USH2A: variants seen among roughly 807,000 people sequenced by gnomAD.
USH2A encodes Usher syndrome 2A (autosomal recessive, mild).
A neutral mutation model predicts 538.9 loss-of-function variants in USH2A; 443 were observed. The observed-to-expected ratio is 0.82, with a 90% CI of 0.76 to 0.89. USH2A has a LOEUF of 0.89. Among genes scored for constraint, USH2A ranks in the 40% least tolerant of loss-of-function variants. USH2A has a pLI of 0.00. For missense variants in USH2A, 6,633 were observed against 6,324.8 expected (o/e 1.05, Z -1.65); for synonymous variants, 2,413 against 2,273.5 (o/e 1.06, Z -1.75).
chr1:216,006,796 T>C (rs1668402224), intron 32 of USH2A, among the ~76,000 whole-genome samples: 1 of 152,222 alleles, frequency 6.6e-6, no homozygotes, highest in South Asian at 2.1e-4. Context: ...ATTTGTTCAA[T>C]GGGTACTGAG....
chr1:216,319,641 A>G (rs930537735), intron 9 of USH2A, among the ~76,000 whole-genome samples: 5 of 152,110 alleles, frequency 3.3e-5, no homozygotes, highest in Admixed American at 3.3e-4. Flanking sequence ...GCACATAGAA[A>G]GAAAGAAAGA....
chr1:215,922,481 T>C (rs921788745), intron 38 of USH2A, among the ~76,000 whole-genome samples: 4 of 152,146 alleles, frequency 2.6e-5, no homozygotes, highest in Non-Finnish European at 4.4e-5. Flanking sequence ...AGGCCTATTA[T>C]ACCTATTTTT....
rs6668544 is a variant in USH2A, at chr1:215,853,937, T to C, written c.8846-7904A>G. The stretch of plus-strand genomic sequence containing the variant: ...TTTCCCACATTTTCCTGTCTTCTTC[T>C]GAATCCTCCAAACTGTTCCAACCTC... On this transcript the variant is annotated intron_variant, in intron 44 of 71. Transcript: ENST00000307340. Among the ~76,000 whole-genome samples, 825 of 152,354 alleles carry C rather than the reference T, an allele frequency of 5.4e-3. 6 individuals are homozygous for C. Among genetic ancestry groups the C allele is most frequent in the African/African-American group, 0.018 (764 of 41,580 alleles).
Position 215,635,531 on chromosome 1 carries a change from T to TTTTATTTATTTATTTATTTA in USH2A, c.15053-848_15053-829dup, listed in dbSNP as rs35379579. ...AGGGATGAAGGGTGGGTAGGATTAT[T>TTTTATTTATTTATTTATTTA]TTTATTTATTTATTTATTTATTTAT... On this transcript the variant is annotated intron_variant, in intron 69 of 71. Transcript: ENST00000307340. Among the ~76,000 whole-genome samples the TTTTATTTATTTATTTATTTA allele has an allele frequency of 3.6e-4, 51 of 142,142 alleles. 2 individuals carry two copies. Among genetic ancestry groups the TTTTATTTATTTATTTATTTA allele is most frequent in the Middle Eastern group, 3.6e-3 (1 of 274 alleles). 93.3% of individuals were successfully genotyped at this position (142,142 alleles called of 152,430 possible).
At chr1:215,886,944 G>A (rs192368451) in intron 41 of USH2A, among the ~76,000 whole-genome samples, 89 of 151,924 alleles carry the variant, frequency 5.9e-4, no homozygotes, top group African/African-American at 2.1e-3. Context: ...TGCAAGCTCC[G>A]CCTCCCAGGT....
chr1:216,120,972 T>A (rs1318182596), intron 21 of USH2A, among the ~76,000 whole-genome samples: 3 of 152,210 alleles, frequency 2.0e-5, no homozygotes, highest in Non-Finnish European at 4.4e-5. Context: ...ATTTCAGTAT[T>A]TAACATGTCA....
At chr1:216,318,852 A>T (rs958247343) in intron 9 of USH2A, among the ~76,000 whole-genome samples, 1 of 152,208 alleles carries the variant, frequency 6.6e-6, no homozygotes, top group Non-Finnish European at 1.5e-5. Context: ...TGTCTTCTGA[A>T]ACCAATCATG....
rs147397586 is a variant in USH2A, at chr1:216,017,769, G to A, written c.6326-17207C>T. Among the ~76,000 whole-genome samples the A allele has an allele frequency of 2.6e-5, 4 of 152,308 alleles. No individual in the cohort carries two copies. The East Asian group carries it at 7.7e-4, about 29-fold the overall frequency. ...TGCTACTTGCTGTTTGCCAGGCAGTGCTAAGTCTATTGTCAGCTTAGTAAA... is the reference window on the plus strand; with the variant it reads ...TGCTACTTGCTGTTTGCCAGGCAGTACTAAGTCTATTGTCAGCTTAGTAAA... On this transcript the variant is annotated intron_variant, in intron 32 of 71. Coordinates refer to ENST00000307340, the MANE Select transcript of USH2A (RefSeq NM_206933.4).
intron 14 of USH2A, among the ~76,000 whole-genome samples, chr1:216,229,324 T>C (rs1204003827): frequency 6.6e-6 from 1 of 152,022 alleles, no homozygotes; most frequent in Non-Finnish European, 1.5e-5. Context: ...TTTTTTGCTT[T>C]TTTTTTTCTG....
At chr1:215,799,268 A>G (rs1375887529) in intron 49 of USH2A, 143 bp from the exon 50 acceptor site, 2 of 1,006,622 alleles carry the variant, frequency 2.0e-6, no homozygotes, top group African/African-American at 3.2e-5. Flanking sequence ...TGGAGTTGCA[A>G]AATTTCCAAA....
chr1:216,405,722 C>T (rs991719095), intron 3 of USH2A, among the ~76,000 whole-genome samples: 6 of 152,156 alleles, frequency 3.9e-5, no homozygotes, highest in African/African-American at 1.4e-4. Flanking sequence ...TTAACAAAAA[C>T]ATCCACACGA....
At chr1:216,325,870 A>G (rs1302374930) in intron 5 of USH2A, among the ~76,000 whole-genome samples, 5 of 152,198 alleles carry the variant, frequency 3.3e-5, no homozygotes, top group African/African-American at 4.8e-5. Flanking sequence ...GATTATTAAG[A>G]TACTTATTTA....
intron 61 of USH2A, among the ~76,000 whole-genome samples, chr1:215,704,995 G>A (rs770866257): frequency 1.2e-4 from 18 of 152,078 alleles, no homozygotes; most frequent in South Asian, 2.1e-4. Context: ...AGATGTCTGC[G>A]GAATGAATAA....
intron 32 of USH2A, among the ~76,000 whole-genome samples, chr1:216,040,417 C>A (rs910871894): frequency 1.1e-4 from 16 of 152,148 alleles, no homozygotes; most frequent in African/African-American, 3.9e-4. Context: ...CTAGGAAGCA[C>A]AACTCGCATA....
chr1:215,741,308 G>A, intron 60 of USH2A, 67 bp downstream of exon 60: 2 of 1,534,180 alleles, frequency 1.3e-6, no homozygotes, highest in Non-Finnish European at 1.8e-6. Flanking sequence ...AAATGCTCTT[G>A]ATTCTGCTGT....
At chr1:215,899,895 A>G (rs1296923612) in intron 40 of USH2A, among the ~76,000 whole-genome samples, 180 bp downstream of exon 40, 1 of 152,146 alleles carries the variant, frequency 6.6e-6, no homozygotes, top group Non-Finnish European at 1.5e-5. Flanking sequence ...CCAAGACCAC[A>G]TTATTCTTCT....
rs373165363 is a variant in USH2A at position 216,053,343 on chromosome 1, G to A, written c.6050-4696C>T. On this transcript the variant is annotated intron_variant, in intron 30 of 71. Coordinates refer to ENST00000307340, the MANE Select transcript of USH2A (RefSeq NM_206933.4). The stretch of plus-strand genomic sequence containing the variant: ...AGAAAATGCGGTAGTTGCCTTTTAT[G>A]ATACTTGTGACACTTGGGGTTTTTA... Among the ~76,000 whole-genome samples, 5 of 152,098 alleles carry A rather than the reference G, an allele frequency of 3.3e-5. No individual in the cohort carries two copies. The South Asian group carries it at 1.0e-3, about 32-fold the overall frequency.
At chr1:216,096,493 G>A (rs2032443812) in intron 22 of USH2A, among the ~76,000 whole-genome samples, 1 of 152,118 alleles carries the variant, frequency 6.6e-6, no homozygotes. Flanking sequence ...CATTTCCAGA[G>A]AAAATTGACA....
At chr1:215,867,989 AGTCT>A (rs1558135574) in intron 43 of USH2A, among the ~76,000 whole-genome samples, 1 of 152,212 alleles carries the variant, frequency 6.6e-6, no homozygotes, top group Non-Finnish European at 1.5e-5. Flanking sequence ...AGACACAGTC[AGTCT>A]ATGAGTGGAC....
Sources: allele counts gnomAD v4.1 joint callset (sites outside exome capture counted in the v4.1 genomes callset), GRCh38; gene constraint gnomAD v4.1.1; transcripts MANE v1.5; gene names NCBI Gene and HGNC (gene_info 2026-07-23, HGNC 2026-07-21).